The following NALCN variants were observed in gnomAD, a reference collection of about 807,000 sequenced individuals.
NALCN encodes sodium leak channel, non-selective, also known as sodium leak channel NALCN.
A neutral mutation model predicts 225.3 loss-of-function variants in NALCN; 111 were observed. The ratio of observed to expected loss-of-function variants is 0.49; its 90% CI spans 0.42 to 0.58. The LOEUF (loss-of-function observed/expected upper bound fraction) is 0.58. NALCN is among the 20% of genes least tolerant of loss of function. NALCN has a pLI of 0.00. For missense variants in NALCN, 1,378 were observed against 2,202.4 expected (o/e 0.63, Z 7.49); for synonymous variants, 764 against 769.0 (o/e 0.99, Z 0.11).
intron 17 of NALCN, among the ~76,000 whole-genome samples, chr13:101,127,518 C>T (rs1012492643): frequency 2.6e-5 from 4 of 152,006 alleles, no homozygotes; most frequent in Admixed American, 6.6e-5. Flanking sequence ...ACTACCACAC[C>T]GGCTAATTTT....
At chr13:101,155,014 A>C (rs1030897389) in intron 15 of NALCN, among the ~76,000 whole-genome samples, 4 of 152,222 alleles carry the variant, frequency 2.6e-5, no homozygotes, top group Admixed American at 2.6e-4. Flanking sequence ...GCAGAAAGCT[A>C]CACAGATGTA....
intron 17 of NALCN, among the ~76,000 whole-genome samples, chr13:101,141,741 G>T (rs539710199): frequency 6.6e-6 from 1 of 152,164 alleles, no homozygotes; most frequent in African/African-American, 2.4e-5. Flanking sequence ...GTTCATCCCT[G>T]TGGGAAGGGA....
intron 17 of NALCN, among the ~76,000 whole-genome samples, chr13:101,125,237 AG>A (rs1188057619): frequency 2.6e-5 from 4 of 152,156 alleles, no homozygotes; most frequent in South Asian, 2.1e-4. Flanking sequence ...CCCCAAGCTC[AG>A]TTCTGTGTGG....
At chr13:101,217,508 C>T (rs981377605) in intron 13 of NALCN, among the ~76,000 whole-genome samples, 1 of 152,116 alleles carries the variant, frequency 6.6e-6, no homozygotes, top group Admixed American at 6.6e-5. Context: ...GTTTTTCCAT[C>T]GAGTAGAATT....
At chr13:101,226,239 G>C (rs1221691902) in intron 13 of NALCN, among the ~76,000 whole-genome samples, 1 of 151,934 alleles carries the variant, frequency 6.6e-6, no homozygotes, top group Non-Finnish European at 1.5e-5. Flanking sequence ...CGCCAACCCT[G>C]AGACAGCCTC....
intron 6 of NALCN, among the ~76,000 whole-genome samples, chr13:101,372,111 A>C (rs962007936): frequency 2.0e-5 from 3 of 152,176 alleles, no homozygotes; most frequent in Admixed American, 2.0e-4. Context: ...TTAGGAAAAA[A>C]ATTCAAAATT....
intron 13 of NALCN, among the ~76,000 whole-genome samples, chr13:101,208,893 G>A (rs192002839): frequency 6.6e-6 from 1 of 152,340 alleles, no homozygotes; most frequent in East Asian, 1.9e-4. Flanking sequence ...TGTACAGCCT[G>A]CAGAATGGTG....
At chr13:101,071,363 T>G (rs1423700422) in intron 37 of NALCN, among the ~76,000 whole-genome samples, 1 of 152,238 alleles carries the variant, frequency 6.6e-6, no homozygotes, top group African/African-American at 2.4e-5. Flanking sequence ...GGCTGTTTTG[T>G]CTACATTGAA....
chr13:101,355,436 TA>T (rs949399750), intron 6 of NALCN, among the ~76,000 whole-genome samples: 1 of 150,494 alleles, frequency 6.6e-6, no homozygotes, highest in Non-Finnish European at 1.5e-5. Flanking sequence ...CAAACAAAGA[TA>T]AAAAAAGACA....
intron 6 of NALCN, 58 bp from the exon 7 acceptor site, chr13:101,345,478 A>G: frequency 1.3e-6 from 2 of 1,544,432 alleles, no homozygotes; most frequent in Non-Finnish European, 1.8e-6. Context: ...GTTGATTACA[A>G]TGAATAATGT....
chr13:101,395,378 T>A lies in NALCN; in HGVS notation c.109-13A>T, dbSNP rs745549847. ...AAGAGTGAACCCACTGCAATGATGG[T>A]CCAGAGTTACTACACGGCACCATAA... On this transcript the variant is annotated splice_polypyrimidine_tract_variant and intron_variant, in intron 2 of 43. Transcript: ENST00000251127. The A allele has an allele frequency of 6.2e-6, 10 of 1,611,658 alleles. No individual in the cohort carries two copies. Among genetic ancestry groups the A allele is most frequent in the Non-Finnish European group, 3.4e-6 (4 of 1,178,796 alleles).
intron 9 of NALCN, among the ~76,000 whole-genome samples, chr13:101,289,791 A>G (rs532700049): frequency 6.6e-6 from 1 of 152,162 alleles, no homozygotes; most frequent in Non-Finnish European, 1.5e-5. Flanking sequence ...AGTGTTTTAA[A>G]CCACTGAATG....
At chr13:101,189,332 A>T (rs774305641) in intron 14 of NALCN, among the ~76,000 whole-genome samples, 12 of 152,238 alleles carry the variant, frequency 7.9e-5, no homozygotes, top group Non-Finnish European at 1.5e-4. Context: ...CTAATAAATG[A>T]TACTTGCATA....
chr13:101,272,178 G>A (rs185074797), intron 10 of NALCN, among the ~76,000 whole-genome samples: 4 of 152,188 alleles, frequency 2.6e-5, no homozygotes, highest in Admixed American at 2.6e-4. Context: ...GTGTGTGTGT[G>A]TACACATGCA....
At chr13:101,313,479 A>G (rs1196646617) in intron 7 of NALCN, among the ~76,000 whole-genome samples, 1 of 152,202 alleles carries the variant, frequency 6.6e-6, no homozygotes, top group Non-Finnish European at 1.5e-5. Flanking sequence ...TTTACAAGAA[A>G]AAAACAAACA....
intron 27 of NALCN, 31 bp downstream of exon 27, chr13:101,100,753 T>C: frequency 6.4e-7 from 1 of 1,569,812 alleles, no homozygotes; most frequent in Non-Finnish European, 8.7e-7. Flanking sequence ...CCCTTAATTT[T>C]TATTTCAAAA....
intron 18 of NALCN, among the ~76,000 whole-genome samples, chr13:101,112,177 G>A (rs921220098): frequency 7.0e-6 from 1 of 142,344 alleles, no homozygotes; most frequent in African/African-American, 2.6e-5. Flanking sequence ...GTTATGTGTT[G>A]TTTTTAAAAC....
chr13:101,124,715 G>A, intron 17 of NALCN, 34 bp from the exon 18 acceptor site: 3 of 1,538,298 alleles, frequency 2.0e-6, no homozygotes, highest in Non-Finnish European at 2.7e-6. Flanking sequence ...TTTAGTTTTG[G>A]AATGTTAAGA....
intron 18 of NALCN, among the ~76,000 whole-genome samples, chr13:101,118,132 C>T (rs2035800450): frequency 6.6e-6 from 1 of 152,068 alleles, no homozygotes; most frequent in Admixed American, 6.6e-5. Context: ...AAATGTACCA[C>T]TCTGATGGGG....
Sources: gnomAD v4.1 joint callset for allele counts (sites outside exome capture counted in the v4.1 genomes callset) on GRCh38, gnomAD v4.1.1 for gene constraint, MANE v1.5 for transcripts, NCBI Gene and HGNC (gene_info 2026-07-23, HGNC 2026-07-21) for gene names.